PSMA1: variants seen among roughly 807,000 people sequenced by gnomAD.
PSMA1 encodes the protein proteasome 20S subunit alpha 1.
A neutral mutation model predicts 38.4 loss-of-function variants in PSMA1; 3 were observed. That is an observed-to-expected ratio of 0.08 (90% CI 0.04 to 0.20). PSMA1 has a LOEUF of 0.20. PSMA1 is among the 10% of genes least tolerant of loss of function. The probability of loss-of-function intolerance (pLI) is 1.00; values close to 1 mark genes in which losing one functional copy is unlikely to be tolerated. For synonymous variants in PSMA1, 101 were observed against 107.1 expected (o/e 0.94, Z 0.35); for missense variants, 227 against 325.3 (o/e 0.70, Z 2.32).
chr11:14,604,519 G>A (rs1337694461), intron 2 of PSMA1, among the ~76,000 whole-genome samples: 1 of 152,158 alleles, frequency 6.6e-6, no homozygotes, highest in African/African-American at 2.4e-5. Flanking sequence ...AGAAAAAAAG[G>A]TAGTTAGAAG....
At chr11:14,524,019 A>T (rs924698567), upstream of PSMA1, among the ~76,000 whole-genome samples, 1 of 148,244 alleles carries the variant, frequency 6.7e-6, no homozygotes. Flanking sequence ...TCACACCTGT[A>T]ATCCCGACAC....
intron 2 of PSMA1, among the ~76,000 whole-genome samples, chr11:14,579,138 G>C (rs1171529965): frequency 6.6e-6 from 1 of 152,184 alleles, no homozygotes; most frequent in Non-Finnish European, 1.5e-5. Flanking sequence ...TGACATTCTA[G>C]AGATGCCATA....
At chr11:14,514,592 GGATAACATCCATA>G in intron 4 of PSMA1, 101 bp from the exon 5 acceptor site, 1 of 895,348 alleles carries the variant, frequency 1.1e-6, no homozygotes, top group Non-Finnish European at 1.6e-6. Context: ...GCGTTTACAT[GGATAACATCCATA>G]TAAGAAAAAC....
intron 2 of PSMA1, among the ~76,000 whole-genome samples, chr11:14,552,356 AT>A (rs1473850654): frequency 3.3e-5 from 5 of 152,188 alleles, no homozygotes; most frequent in African/African-American, 1.2e-4. Context: ...CTTAGGCTGA[AT>A]TTCTCTCCAG....
At chr11:14,535,617 T>C (rs1317490360) in intron 2 of PSMA1, among the ~76,000 whole-genome samples, 10 of 151,802 alleles carry the variant, frequency 6.6e-5, no homozygotes, top group Non-Finnish European at 1.5e-4. Flanking sequence ...CTAATTTTTG[T>C]ATTTTTAGTA....
chr11:14,634,096 C>G (rs960064160), intron 1 of PSMA1, among the ~76,000 whole-genome samples: 1 of 152,206 alleles, frequency 6.6e-6, no homozygotes, highest in Admixed American at 6.5e-5. Context: ...AATCACCCGT[C>G]TTCTGCGTCG....
At chr11:14,608,043 A>G (rs1046950149) in intron 2 of PSMA1, among the ~76,000 whole-genome samples, 1 of 152,114 alleles carries the variant, frequency 6.6e-6, no homozygotes, top group Admixed American at 6.6e-5. Context: ...ACAGCATAAA[A>G]ATACCCCAAT....
At chr11:14,594,687 T>C (rs1852464085) in intron 2 of PSMA1, among the ~76,000 whole-genome samples, 1 of 152,210 alleles carries the variant, frequency 6.6e-6, no homozygotes, top group Non-Finnish European at 1.5e-5. Context: ...CAATGTTAGC[T>C]TCTAGTTATC....
In PSMA1 at chr11:14,520,365, T is replaced by C; in HGVS notation, c.-66A>G. 3.1e-6 allele frequency: 5 copies of C among 1,614,216 alleles called. No homozygotes were observed. The South Asian group carries it at 5.5e-5, about 18-fold the overall frequency. On this transcript the variant is annotated 5_prime_UTR_variant, in exon 1 of 10. The change creates a new upstream start codon in the 5' untranslated region. Coordinates refer to ENST00000396394, the MANE Select transcript of PSMA1 (RefSeq NM_002786.4). ...AGAATCAAGGAGGTGCTGCCGAAAGTATCGCTCAGCGATCTACAGAGAAGT... is the reference window on the plus strand; with the variant it reads ...AGAATCAAGGAGGTGCTGCCGAAAGCATCGCTCAGCGATCTACAGAGAAGT...
chr11:14,583,461 A>G (rs1415036721), intron 2 of PSMA1, among the ~76,000 whole-genome samples: 4 of 152,164 alleles, frequency 2.6e-5, no homozygotes, highest in East Asian at 1.9e-4. Flanking sequence ...AGACTCCCCA[A>G]CACACTGCCT....
intron 2 of PSMA1, among the ~76,000 whole-genome samples, chr11:14,564,332 A>G (rs577429995): frequency 6.6e-6 from 1 of 152,312 alleles, no homozygotes; most frequent in African/African-American, 2.4e-5. Context: ...TTCATTCAGC[A>G]TAATTCTCTG....
intron 2 of PSMA1, among the ~76,000 whole-genome samples, chr11:14,607,912 T>C (rs921298835): frequency 6.6e-6 from 1 of 152,186 alleles, no homozygotes; most frequent in African/African-American, 2.4e-5. Context: ...AGTGTGAACA[T>C]GATGATGGGT....
chr11:14,576,547 C>A (rs1852218675), intron 2 of PSMA1, among the ~76,000 whole-genome samples: 1 of 152,174 alleles, frequency 6.6e-6, no homozygotes, highest in Admixed American at 6.5e-5. Flanking sequence ...ATCCTTTCCC[C>A]ATTTCTTGTT....
chr11:14,550,480 C>T (rs1851873966), intron 2 of PSMA1, among the ~76,000 whole-genome samples: 1 of 152,090 alleles, frequency 6.6e-6, no homozygotes. Flanking sequence ...CAAAATCACT[C>T]ATAAAGCCAG....
chr11:14,636,771 A>G (rs1853117401), intron 1 of PSMA1, among the ~76,000 whole-genome samples: 1 of 152,166 alleles, frequency 6.6e-6, no homozygotes, highest in Non-Finnish European at 1.5e-5. Flanking sequence ...GACCTGGGGA[A>G]CCCTCTTCAC....
intron 2 of PSMA1, among the ~76,000 whole-genome samples, chr11:14,544,821 T>C (rs1369832718): frequency 6.6e-6 from 1 of 152,190 alleles, no homozygotes; most frequent in Non-Finnish European, 1.5e-5. Context: ...AGCAATTCTA[T>C]TTCTAGGTAA....
At chr11:14,599,377 A>T (rs185026099) in intron 2 of PSMA1, among the ~76,000 whole-genome samples, 4 of 152,244 alleles carry the variant, frequency 2.6e-5, no homozygotes, top group African/African-American at 9.6e-5. Flanking sequence ...AAGTACACCA[A>T]TCAGACATAG....
intron 1 of PSMA1, among the ~76,000 whole-genome samples, chr11:14,636,878 C>T (rs1316361487): frequency 6.6e-6 from 1 of 152,252 alleles, no homozygotes; most frequent in Non-Finnish European, 1.5e-5. Context: ...AATGGTACTA[C>T]TGCCATTGCC....
intron 2 of PSMA1, among the ~76,000 whole-genome samples, chr11:14,527,406 A>G (rs1316857007): frequency 6.6e-6 from 1 of 152,070 alleles, no homozygotes; most frequent in African/African-American, 2.4e-5. Context: ...TTCTATCATC[A>G]TTTCATAACC....
Sources: gnomAD v4.1 joint callset for allele counts (sites outside exome capture counted in the v4.1 genomes callset) on GRCh38, gnomAD v4.1.1 for gene constraint, MANE v1.5 for transcripts, NCBI Gene and HGNC (gene_info 2026-07-23, HGNC 2026-07-21) for gene names.